SYT9: variants seen among roughly 807,000 people sequenced by gnomAD.
The protein encoded by SYT9 is synaptotagmin 9.
Under a neutral mutation model 48.4 loss-of-function variants are expected in SYT9, and 22 were observed. The ratio of observed to expected loss-of-function variants is 0.45; its 90% CI spans 0.32 to 0.65. The LOEUF is 0.65. Among genes scored for constraint, SYT9 ranks in the 30% least tolerant of loss-of-function variants. SYT9 has a pLI of 0.03. For synonymous variants in SYT9, 265 were observed against 245.0 expected (o/e 1.08, Z -0.76); for missense variants, 577 against 622.0 (o/e 0.93, Z 0.77).
At chr11:7,329,662 T>C (rs564579840) in intron 3 of SYT9, among the ~76,000 whole-genome samples, 1 of 152,180 alleles carries the variant, frequency 6.6e-6, no homozygotes. Flanking sequence ...AAAACCATCC[T>C]CACACTCAAG....
chr11:7,335,122 A>G lies in SYT9; in HGVS notation c.1044+21181A>G, dbSNP rs1262786977. On this transcript the variant is annotated intron_variant, in intron 3 of 6. Coordinates refer to ENST00000318881, the MANE Select transcript of SYT9 (RefSeq NM_175733.4). ...GAACTGTGAAAGTTCTAGTTGCTCT[A>G]CATTCTCACCAGCACTTGGTAGAGT... Among the ~76,000 whole-genome samples, 3 of 152,174 alleles carry G rather than the reference A, an allele frequency of 2.0e-5. 1 individual carries two copies. Among genetic ancestry groups the G allele is most frequent in the South Asian group, 4.1e-4 (2 of 4,830 alleles).
upstream of SYT9, among the ~76,000 whole-genome samples, chr11:7,248,798 C>G (rs1564835202): frequency 1.3e-5 from 2 of 152,230 alleles, no homozygotes; most frequent in South Asian, 2.1e-4. Context: ...CATCAAAATA[C>G]CACCATCATT....
At chr11:7,373,702 A>G (rs532943720) in intron 3 of SYT9, among the ~76,000 whole-genome samples, 29 of 152,236 alleles carry the variant, frequency 1.9e-4, no homozygotes, top group Non-Finnish European at 3.1e-4. Context: ...TCAACCTACA[A>G]AAATGGCAGT....
intron 1 of SYT9, among the ~76,000 whole-genome samples, chr11:7,269,892 C>A (rs1002331470): frequency 2.0e-5 from 3 of 151,998 alleles, no homozygotes; most frequent in African/African-American, 7.3e-5. Context: ...GTAGGTGAAG[C>A]CTTCCTTAGC....
At position 7,466,928 on chromosome 11, in the gene SYT9, AGC is replaced by A. The variant is rs1316798635; in HGVS notation, c.*129_*130del. The stretch of plus-strand genomic sequence containing the variant: ...TGACCAAATGCTCAGCTGTAACCAC[AGC>A]ACTAACTGGCCTTCTTTCCAGATTG... On this transcript the variant is annotated 3_prime_UTR_variant, in exon 7 of 7. Transcript: ENST00000318881. 1 of 1,164,794 alleles carries A rather than the reference AGC, an allele frequency of 8.6e-7. No homozygotes were observed. The highest frequency in any genetic ancestry group is 1.6e-5 in the African/African-American group (1 of 64,280). 72.2% of individuals were successfully genotyped at this position (1,164,794 alleles called of 1,614,324 possible).
intron 3 of SYT9, among the ~76,000 whole-genome samples, chr11:7,375,668 C>T (rs1850439736): frequency 6.6e-6 from 1 of 152,144 alleles, no homozygotes; most frequent in East Asian, 1.9e-4. Flanking sequence ...ATTTTGTTCT[C>T]TTTGTAGCAA....
intron 1 of SYT9, among the ~76,000 whole-genome samples, chr11:7,274,358 C>T (rs1848349276): frequency 7.0e-6 from 1 of 142,104 alleles, no homozygotes; most frequent in Admixed American, 7.3e-5. Flanking sequence ...TACTCTGTTG[C>T]CTAGGCTGCA....
intron 3 of SYT9, among the ~76,000 whole-genome samples, chr11:7,399,134 T>C (rs1168330652): frequency 1.3e-5 from 2 of 152,204 alleles, no homozygotes; most frequent in African/African-American, 4.8e-5. Context: ...TTTATGTTTG[T>C]CTGTTGCACA....
chr11:7,434,884 C>T (rs1162370124), intron 6 of SYT9: 1 of 152,154 alleles, frequency 6.6e-6, no homozygotes, highest in East Asian at 1.9e-4. Context: ...AGTTCGTTCC[C>T]AGGACTGGGG....
intron 1 of SYT9, among the ~76,000 whole-genome samples, chr11:7,285,561 A>G (rs1198508165): frequency 6.6e-6 from 1 of 151,894 alleles, no homozygotes; most frequent in Non-Finnish European, 1.5e-5. Flanking sequence ...GCCCCTCCCA[A>G]ATCTCATGGC....
At chr11:7,327,970 C>G (rs1318526986) in intron 3 of SYT9, among the ~76,000 whole-genome samples, 2 of 116,970 alleles carry the variant, frequency 1.7e-5, no homozygotes, top group African/African-American at 6.5e-5. Context: ...ATACCTAATG[C>G]TAGATGACGA....
chr11:7,432,979 C>G (rs1381662569), intron 6 of SYT9, among the ~76,000 whole-genome samples: 3 of 152,036 alleles, frequency 2.0e-5, no homozygotes, highest in African/African-American at 7.3e-5. Context: ...TTTGTCCCTG[C>G]CCAAATCTCA....
At chr11:7,441,626 G>GT (rs1353356626) in intron 6 of SYT9, 12 of 152,194 alleles carry the variant, frequency 7.9e-5, no homozygotes, top group Admixed American at 7.9e-4. Context: ...CTTCCTTTCT[G>GT]TTCATCTTCA....
At chr11:7,247,629 G>A (rs562474769), upstream of SYT9, among the ~76,000 whole-genome samples, 9 of 140,190 alleles carry the variant, frequency 6.4e-5, no homozygotes, top group South Asian at 4.5e-4. Context: ...GTATATATAC[G>A]TGTATATATA....
At chr11:7,338,106 A>C (rs2133986383) in intron 3 of SYT9, among the ~76,000 whole-genome samples, 1 of 152,290 alleles carries the variant, frequency 6.6e-6, no homozygotes, top group East Asian at 1.9e-4. Context: ...GTATGTGTCC[A>C]GGGACTTATC....
chr11:7,343,387 C>G (rs552839313), intron 3 of SYT9, among the ~76,000 whole-genome samples: 7 of 152,174 alleles, frequency 4.6e-5, no homozygotes, highest in Admixed American at 1.3e-4. Flanking sequence ...CTGCCAGATA[C>G]CCTAAATCAT....
intron 3 of SYT9, among the ~76,000 whole-genome samples, chr11:7,349,251 A>C (rs561078286): frequency 6.6e-6 from 1 of 152,134 alleles, no homozygotes; most frequent in East Asian, 1.9e-4. Context: ...TGATGCCAGC[A>C]TTCTGGAATA....
At chr11:7,416,844 A>G (rs1056286147) in intron 4 of SYT9, among the ~76,000 whole-genome samples, 1 of 152,172 alleles carries the variant, frequency 6.6e-6, no homozygotes, top group Non-Finnish European at 1.5e-5. Flanking sequence ...TACCATTTAC[A>G]CACACTGATA....
chr11:7,269,733 T>A (rs1848260596), intron 1 of SYT9, among the ~76,000 whole-genome samples: 3 of 152,220 alleles, frequency 2.0e-5, no homozygotes, highest in Admixed American at 2.0e-4. Flanking sequence ...CAGAATTTAG[T>A]CATATTGCCA....
Sources: allele counts gnomAD v4.1 joint callset (sites outside exome capture counted in the v4.1 genomes callset), GRCh38; gene constraint gnomAD v4.1.1; transcripts MANE v1.5; gene names NCBI Gene and HGNC (gene_info 2026-07-23, HGNC 2026-07-21).